Variants in ZNF892 observed in about 807,000 individuals in gnomAD.
ZNF892 encodes zinc finger protein 892.
chr2:95,210,816 G>A, the ZNF892 span, among the ~76,000 whole-genome samples: 1 of 152,152 alleles, frequency 6.6e-6, no homozygotes, highest in Non-Finnish European at 1.5e-5. Context: ...CCAAGGGAAT[G>A]GAAGGAACAT....
the ZNF892 span, among the ~76,000 whole-genome samples, chr2:95,260,393 C>G: frequency 2.6e-5 from 4 of 152,122 alleles, no homozygotes; most frequent in Non-Finnish European, 5.9e-5. Flanking sequence ...TAGCCTAGAT[C>G]CTGAATGCCA....
chr2:95,240,502 C>A, the ZNF892 span, among the ~76,000 whole-genome samples: 3 of 152,180 alleles, frequency 2.0e-5, no homozygotes, highest in Admixed American at 2.0e-4. Flanking sequence ...GGGTCCAATA[C>A]ACAAAGCTGT....
the ZNF892 span, among the ~76,000 whole-genome samples, chr2:95,210,969 G>A: frequency 6.6e-6 from 1 of 152,200 alleles, no homozygotes; most frequent in South Asian, 2.1e-4. Context: ...GTGTAAAGGG[G>A]CTAACGGGAA....
the ZNF892 span, among the ~76,000 whole-genome samples, chr2:95,223,391 T>A: frequency 6.6e-6 from 1 of 151,850 alleles, no homozygotes; most frequent in Non-Finnish European, 1.5e-5. Context: ...AATATTGGGG[T>A]TTTTTTGGGG....
chr2:95,211,815 T>C, the ZNF892 span: 1 of 397,636 alleles, frequency 2.5e-6, no homozygotes, highest in African/African-American at 2.1e-5. Context: ...TATTCAATGA[T>C]TCTTAATTCT....
At chr2:95,262,464 C>G in the ZNF892 span, among the ~76,000 whole-genome samples, 1 of 152,156 alleles carries the variant, frequency 6.6e-6, no homozygotes, top group African/African-American at 2.4e-5. Flanking sequence ...CAAGTTCTGA[C>G]TAATAAGATG....
chr2:95,226,816 C>T, the ZNF892 span, among the ~76,000 whole-genome samples: 2 of 152,080 alleles, frequency 1.3e-5, 1 homozygote, highest in Admixed American at 1.3e-4. Flanking sequence ...GATGCATTTT[C>T]TACCACCTGT....
At chr2:95,234,145 G>C in the ZNF892 span, among the ~76,000 whole-genome samples, 1 of 152,144 alleles carries the variant, frequency 6.6e-6, no homozygotes, top group Non-Finnish European at 1.5e-5. Context: ...CAGCCTCCTA[G>C]TTTTGTGAAA....
At chr2:95,218,194 A>G in the ZNF892 span, among the ~76,000 whole-genome samples, 1 of 152,166 alleles carries the variant, frequency 6.6e-6, no homozygotes, top group African/African-American at 2.4e-5. Context: ...CTTCGTAGCA[A>G]ATTTTCCCAT....
the ZNF892 span, among the ~76,000 whole-genome samples, chr2:95,231,784 C>T: frequency 6.6e-6 from 1 of 152,060 alleles, no homozygotes; most frequent in Non-Finnish European, 1.5e-5. Flanking sequence ...TTGTTTGCTT[C>T]AAGAACTTCC....
the ZNF892 span, among the ~76,000 whole-genome samples, chr2:95,257,042 T>C: frequency 6.6e-6 from 1 of 152,204 alleles, no homozygotes; most frequent in South Asian, 2.1e-4. Context: ...CTCAGAGTAG[T>C]TTGATCATCT....
At chr2:95,238,593 G>A in the ZNF892 span, among the ~76,000 whole-genome samples, 5 of 152,300 alleles carry the variant, frequency 3.3e-5, no homozygotes, top group South Asian at 2.1e-4. Context: ...AACACATTTC[G>A]TAAGGCTATA....
At chr2:95,245,455 G>GA in the ZNF892 span, among the ~76,000 whole-genome samples, 4,704 of 105,422 alleles carry the variant, frequency 0.045, 378 homozygotes, top group Non-Finnish European at 0.063. Flanking sequence ...GACGGCGGGG[G>GA]GGGGGGGGTT....
the ZNF892 span, among the ~76,000 whole-genome samples, chr2:95,254,351 G>C: frequency 1.3e-5 from 2 of 152,150 alleles, no homozygotes; most frequent in African/African-American, 4.8e-5. Flanking sequence ...TGTGGTTTTT[G>C]TTGTTGGTTC....
chr2:95,207,619 A>T, the ZNF892 span: 7 of 391,688 alleles, frequency 1.8e-5, no homozygotes, highest in Non-Finnish European at 2.7e-5. Flanking sequence ...TGGAGGTCGA[A>T]CCCAGGGTAG....
the ZNF892 span, among the ~76,000 whole-genome samples, chr2:95,248,749 C>A: frequency 3.2e-4 from 49 of 152,124 alleles, no homozygotes; most frequent in African/African-American, 1.2e-3. Context: ...CCAGCTTTGA[C>A]CTTGCAACAC....
chr2:95,252,049 G>A, the ZNF892 span, among the ~76,000 whole-genome samples: 1 of 152,164 alleles, frequency 6.6e-6, no homozygotes, highest in Non-Finnish European at 1.5e-5. Flanking sequence ...AAGAAAATGA[G>A]CACTCAAAGG....
At chr2:95,206,949 G>T in the ZNF892 span, among the ~76,000 whole-genome samples, 1 of 152,216 alleles carries the variant, frequency 6.6e-6, no homozygotes, top group East Asian at 1.9e-4. Flanking sequence ...AACAAGGTTA[G>T]GGATTTCAGC....
chr2:95,207,893 G>C, the ZNF892 span: 5 of 398,630 alleles, frequency 1.3e-5, no homozygotes, highest in Non-Finnish European at 2.2e-5. Flanking sequence ...AAGGGAGAAA[G>C]GCTACCTCTG....
Sources: allele counts gnomAD v4.1 joint callset (sites outside exome capture counted in the v4.1 genomes callset), GRCh38; gene constraint gnomAD v4.1.1; transcripts MANE v1.5; gene names NCBI Gene and HGNC (gene_info 2026-07-23, HGNC 2026-07-21).